WDPCP: variants seen among roughly 807,000 people sequenced by gnomAD.
The protein encoded by WDPCP is WD repeat-containing and planar cell polarity effector protein fritz homolog.
In WDPCP, 71 loss-of-function variants were observed where a neutral mutation model predicts 93.1. The observed-to-expected ratio is 0.76, with a 90% CI of 0.63 to 0.93. The LOEUF (loss-of-function observed/expected upper bound fraction) is 0.93. WDPCP is among the 40% of genes least tolerant of loss of function. The pLI is 0.00. For missense variants in WDPCP, 844 were observed against 887.4 expected (o/e 0.95, Z 0.62); for synonymous variants, 315 against 315.0 (o/e 1.00, Z 0.00).
At chr2:63,243,465 T>G (rs565809415) in intron 14 of WDPCP, among the ~76,000 whole-genome samples, 2 of 152,270 alleles carry the variant, frequency 1.3e-5, no homozygotes, top group Admixed American at 1.3e-4. Context: ...TCTCCCATTT[T>G]GTAGATTGCC....
chr2:63,123,369 TG>T (rs1432131323), intron 17 of WDPCP, among the ~76,000 whole-genome samples: 1 of 152,176 alleles, frequency 6.6e-6, no homozygotes, highest in East Asian at 1.9e-4. Flanking sequence ...AGAAGGCTGA[TG>T]GCATACCTAA....
intron 12 of WDPCP, among the ~76,000 whole-genome samples, chr2:63,325,104 T>C (rs1171100493): frequency 6.6e-6 from 1 of 152,074 alleles, no homozygotes; most frequent in Non-Finnish European, 1.5e-5. Flanking sequence ...CGGGGTTCTA[T>C]AATAGGGATG....
chr2:63,320,002 ATACT>A (rs1686963971), intron 12 of WDPCP, among the ~76,000 whole-genome samples: 1 of 152,208 alleles, frequency 6.6e-6, no homozygotes, highest in African/African-American at 2.4e-5. Flanking sequence ...AAATTTTAAA[ATACT>A]TAAATAAATG....
At chr2:63,126,060 A>T (rs773195485) in intron 17 of WDPCP, among the ~76,000 whole-genome samples, 7 of 151,084 alleles carry the variant, frequency 4.6e-5, no homozygotes, top group Non-Finnish European at 7.4e-5. Context: ...CTAGCCTCCC[A>T]AGTAGCTGGG....
chr2:63,717,314 C>T, intron 2 of WDPCP: 2 of 526,700 alleles, frequency 3.8e-6, no homozygotes, highest in South Asian at 1.5e-5. Flanking sequence ...GGCCAAATCA[C>T]TGTGAACATG....
chr2:63,299,339 A>G (rs1028242774), intron 13 of WDPCP, among the ~76,000 whole-genome samples: 2 of 152,168 alleles, frequency 1.3e-5, no homozygotes, highest in African/African-American at 4.8e-5. Context: ...AGTGGCCACA[A>G]CTGTCTAGTT....
Position 63,152,109 on chromosome 2 carries a change from T to C in WDPCP, c.2190+805A>G, listed in dbSNP as rs572506509. On this transcript the variant is annotated intron_variant, in intron 17 of 17. Transcript: ENST00000272321. ...TTATATGCATTATTTATAAAAATTA[T>C]ATGTAATAAAATATATTGAATAATT... is the stretch of plus-strand genomic sequence containing the variant. Among the ~76,000 whole-genome samples, 213 of 152,172 alleles carry C rather than the reference T, an allele frequency of 1.4e-3. 1 individual carries two copies. Among genetic ancestry groups the C allele is most frequent in the Middle Eastern group, 3.4e-3 (1 of 294 alleles).
intron 3 of WDPCP, chr2:63,606,117 C>T (rs531199127): frequency 4.1e-6 from 5 of 1,232,054 alleles, no homozygotes; most frequent in East Asian, 4.7e-5. Flanking sequence ...CACAGTGGCT[C>T]ACGCCTATAA....
chr2:63,747,493 T>C (rs1301637526), intron 2 of WDPCP, among the ~76,000 whole-genome samples: 1 of 152,148 alleles, frequency 6.6e-6, no homozygotes, highest in East Asian at 1.9e-4. Context: ...AATATAATTT[T>C]TTCCCATATG....
chr2:63,651,198 T>A lies in WDPCP; in HGVS notation n.309-360A>T, dbSNP rs541321217. ...AATGTTTAGAGAGGAAAATTCTATT[T>A]TTTTAAAAGCCACTATACTTTTGAA... On this transcript the variant is annotated intron_variant and non_coding_transcript_variant, in intron 2 of 4. Transcript: ENST00000467687. 2.0e-5 allele frequency among the ~76,000 whole-genome samples: 3 copies of A among 152,322 alleles called. No homozygotes were observed. In the East Asian group the frequency reaches 5.8e-4, roughly 29 times the overall value.
chr2:63,820,511 A>T (rs368932705), intron 1 of WDPCP, among the ~76,000 whole-genome samples: 58 of 152,290 alleles, frequency 3.8e-4, no homozygotes, highest in African/African-American at 1.3e-3. Flanking sequence ...GCACATGTTA[A>T]GCTTGTGATG....
chr2:63,431,200 G>T (rs1696734563), intron 9 of WDPCP, among the ~76,000 whole-genome samples: 1 of 151,816 alleles, frequency 6.6e-6, no homozygotes. Flanking sequence ...TCTCAACTTG[G>T]ATGCCCACGA....
At chr2:63,148,518 T>C (rs1289483800) in intron 17 of WDPCP, among the ~76,000 whole-genome samples, 1 of 152,002 alleles carries the variant, frequency 6.6e-6, no homozygotes, top group African/African-American at 2.4e-5. Flanking sequence ...TTTGTTTTTG[T>C]TTTTGTTTTT....
At chr2:63,527,940 T>C (rs924591963) in intron 1 of WDPCP, among the ~76,000 whole-genome samples, 20 of 152,114 alleles carry the variant, frequency 1.3e-4, no homozygotes, top group Non-Finnish European at 2.6e-4. Context: ...TATCTCATTG[T>C]GGTTTTGATT....
upstream of WDPCP, among the ~76,000 whole-genome samples, chr2:63,591,427 T>G (rs1709200086): frequency 6.6e-6 from 1 of 152,172 alleles, no homozygotes; most frequent in Non-Finnish European, 1.5e-5. Context: ...AGAAGAAAAC[T>G]GCTGAGGTGG....
At chr2:63,584,419 T>C (rs1471674213) in intron 1 of WDPCP, among the ~76,000 whole-genome samples, 1 of 152,090 alleles carries the variant, frequency 6.6e-6, no homozygotes, top group African/African-American at 2.4e-5. Context: ...ATGGTTTGCT[T>C]TTTTCAATTA....
chr2:63,639,058 C>G (rs977222028), intron 3 of WDPCP, among the ~76,000 whole-genome samples: 4 of 152,144 alleles, frequency 2.6e-5, no homozygotes, highest in African/African-American at 9.7e-5. Context: ...ACAATTCATC[C>G]AATATGAAAT....
intron 14 of WDPCP, among the ~76,000 whole-genome samples, chr2:63,252,657 A>G (rs1322396341): frequency 2.6e-5 from 4 of 152,178 alleles, no homozygotes; most frequent in Non-Finnish European, 4.4e-5. Context: ...AGTCAAGAAC[A>G]TAATCCCACT....
At chr2:63,819,998 A>T (rs774180717) in intron 1 of WDPCP, among the ~76,000 whole-genome samples, 2 of 152,188 alleles carry the variant, frequency 1.3e-5, no homozygotes, top group Non-Finnish European at 2.9e-5. Context: ...TTGCTCCAGT[A>T]AGGAACTGTG....
Sources: gnomAD v4.1 joint callset for allele counts (sites outside exome capture counted in the v4.1 genomes callset) on GRCh38, gnomAD v4.1.1 for gene constraint, MANE v1.5 for transcripts, NCBI Gene and HGNC (gene_info 2026-07-23, HGNC 2026-07-21) for gene names.